Variants in TMEM187 observed in about 807,000 individuals in gnomAD.
TMEM187 encodes chromosome X open reading frame 12.
TMEM187 carries 14 observed loss-of-function variants against 11.8 expected under a neutral mutation model. The observed-to-expected ratio is 1.18, with a 90% CI of 0.78 to 1.85. TMEM187 has a LOEUF of 1.85. Among genes scored for constraint, TMEM187 ranks in the 40% most tolerant of loss-of-function variants. The pLI is 0.00. For missense variants in TMEM187, 227 were observed against 243.9 expected (o/e 0.93, Z 0.46); for synonymous variants, 112 against 118.5 (o/e 0.95, Z 0.36).
chrX:153,977,839 C>T (rs926936763), intron 1 of TMEM187, among the ~76,000 whole-genome samples: 2 of 109,548 alleles, frequency 1.8e-5, no homozygotes, highest in Non-Finnish European at 3.8e-5. Context: ...CTCTTGAAAA[C>T]GGGAGGCAGA....
At chrX:153,975,805 C>T (rs372410015) in intron 1 of TMEM187, among the ~76,000 whole-genome samples, 6 of 104,278 alleles carry the variant, frequency 5.8e-5, no homozygotes, top group Admixed American at 1.0e-4. Flanking sequence ...CCACCACGCC[C>T]GGCTACTTTT....
At chrX:153,974,746 C>T (rs782569720) in intron 1 of TMEM187, among the ~76,000 whole-genome samples, 1 of 111,955 alleles carries the variant, frequency 8.9e-6, no homozygotes, top group African/African-American at 3.2e-5. Flanking sequence ...GAAGCAAGGA[C>T]GTATGGAGTG....
At position 153,976,587 on chromosome X, in the gene TMEM187, T is replaced by G. The variant is rs1021433439; in HGVS notation, c.-214+3727T>G. ...AAAAAATAAAAAACTATTGGCTGGG[T>G]GCAGTAACTCACGCCTGTAATCCCA... is the stretch of plus-strand genomic sequence containing the variant. On this transcript the variant is annotated intron_variant, in intron 1 of 1. Coordinates refer to ENST00000369982, the MANE Select transcript of TMEM187 (RefSeq NM_003492.3). Among the ~76,000 whole-genome samples the G allele has an allele frequency of 7.2e-4, 79 of 109,949 alleles. 1 individual carries two copies. The highest frequency in any genetic ancestry group is 2.3e-3 in the African/African-American group (68 of 30,091).
At chrX:153,981,541 C>T (rs1394761614) in intron 1 of TMEM187, among the ~76,000 whole-genome samples, 1 of 112,121 alleles carries the variant, frequency 8.9e-6, no homozygotes, top group Non-Finnish European at 1.9e-5. Flanking sequence ...GGGCTGGAGA[C>T]GTCCACTTTT....
chrX:153,979,989 G>T (rs985814122), intron 1 of TMEM187, among the ~76,000 whole-genome samples: 1 of 109,301 alleles, frequency 9.1e-6, no homozygotes. Context: ...CACCCGCCTT[G>T]GCCTCCCAAA....
intron 1 of TMEM187, among the ~76,000 whole-genome samples, chrX:153,973,630 C>T (rs1269396567): frequency 9.0e-6 from 1 of 111,302 alleles, no homozygotes; most frequent in Non-Finnish European, 1.9e-5. Context: ...CTGCAGTGAG[C>T]TGAGATCGCG....
intron 1 of TMEM187, among the ~76,000 whole-genome samples, chrX:153,975,629 C>CT (rs58423366): frequency 0.5 from 8,367 of 16,576 alleles, 3,264 homozygotes; most frequent in Non-Finnish European, 0.72. Context: ...CACACCCAGC[C>CT]TTTTTTTTTT....
At chrX:153,974,604 A>G (rs192917014) in intron 1 of TMEM187, among the ~76,000 whole-genome samples, 3 of 112,785 alleles carry the variant, frequency 2.7e-5, no homozygotes, top group African/African-American at 9.7e-5. Context: ...CAGGGCAGAC[A>G]TGATCCCATC....
In TMEM187 at chrX:153,981,856, G is replaced by A. The variant is rs1484251861; in HGVS notation, c.-207G>A. On this transcript the variant is annotated 5_prime_UTR_variant, in exon 2 of 2. Coordinates refer to ENST00000369982, the MANE Select transcript of TMEM187 (RefSeq NM_003492.3). ...TCCTTTTGTAACCACAAAGGAAAAA[G>A]GCAGAACGTTCCTCCGCTGGCGCCA... 4.2e-5 allele frequency: 27 copies of A among 635,955 alleles called. No homozygotes were observed. In the East Asian group the frequency reaches 8.9e-4, roughly 21 times the overall value. 52.4% of individuals were successfully genotyped at this position (635,955 alleles called of 1,213,427 possible).
chrX:153,979,893 C>T (rs1557122073), intron 1 of TMEM187, among the ~76,000 whole-genome samples: 4 of 107,084 alleles, frequency 3.7e-5, no homozygotes, highest in African/African-American at 6.8e-5. Context: ...CCCACCACCA[C>T]GCCTGGCTAT....
intron 1 of TMEM187, among the ~76,000 whole-genome samples, chrX:153,978,253 G>A (rs1557121742): frequency 9.7e-6 from 1 of 102,569 alleles, no homozygotes; most frequent in African/African-American, 3.7e-5. Flanking sequence ...ATAGTGCTAA[G>A]TGGTCTGCAT....
At chrX:153,979,032 C>T (rs1323987139) in intron 1 of TMEM187, among the ~76,000 whole-genome samples, 1 of 112,042 alleles carries the variant, frequency 8.9e-6, no homozygotes, top group Non-Finnish European at 1.9e-5. Flanking sequence ...AAGTGATCCA[C>T]CCGCCTCTGC....
chrX:153,982,586 TG>T lies in TMEM187; in HGVS notation c.528del (p.Gln177ArgfsTer18). ...CTGGGTGCTCACGTGGTGGCCGCTG[TG>T]GGGCAGGCGCTGCGCACCCACAGGC... is the stretch of plus-strand genomic sequence containing the variant. ...VALGAHVVAA[V>X]GQALRTHRHY... On this transcript the variant is annotated frameshift_variant, in exon 2 of 2. Coordinates refer to ENST00000369982, the MANE Select transcript of TMEM187 (RefSeq NM_003492.3). LOFTEE classifies it high-confidence loss of function. 1 of 1,211,154 alleles carries T rather than the reference TG, an allele frequency of 8.3e-7. No individual in the cohort carries two copies.
intron 1 of TMEM187, among the ~76,000 whole-genome samples, chrX:153,976,723 C>A (rs1355493293): frequency 1.8e-5 from 2 of 111,186 alleles, no homozygotes; most frequent in African/African-American, 3.3e-5. Flanking sequence ...ATTTGCCAGG[C>A]ATGGTAACAT....
intron 1 of TMEM187, among the ~76,000 whole-genome samples, chrX:153,976,846 C>T (rs1603300528): frequency 8.9e-6 from 1 of 112,551 alleles, no homozygotes; most frequent in African/African-American, 3.2e-5. Context: ...GGAGACAGAA[C>T]GAGACCCTGT....
chrX:153,979,781 G>A (rs2065592205), intron 1 of TMEM187, among the ~76,000 whole-genome samples: 1 of 98,721 alleles, frequency 1.0e-5, no homozygotes, highest in Non-Finnish European at 2.0e-5. Flanking sequence ...CTGTCGCCCA[G>A]GTTGGAGTGC....
chrX:153,978,402 G>A (rs1173782824), intron 1 of TMEM187, among the ~76,000 whole-genome samples: 1 of 102,311 alleles, frequency 9.8e-6, no homozygotes, highest in Non-Finnish European at 2.0e-5. Flanking sequence ...CCAAGTAGCT[G>A]GAACTACAGG....
chrX:153,978,507 A>T (rs2065585572), intron 1 of TMEM187, among the ~76,000 whole-genome samples: 1 of 103,440 alleles, frequency 9.7e-6, no homozygotes, highest in South Asian at 4.5e-4. Context: ...ACCTCAACTG[A>T]TCCACCCACC....
rs143456366 is a variant in TMEM187, at chrX:153,982,092, G to A, written c.30G>A (p.Val10=). Residue 10 remains valine, a synonymous_variant, in exon 2 of 2, where the codon GTG becomes GTA. Transcript: ENST00000369982. MNPEWGQAF[V]HVAVAGGLCA... is the part of the protein sequence containing the mutation. ...ATCCAGAGTGGGGGCAGGCCTTCGTGCACGTGGCCGTGGCCGGTGGCCTCT... is the reference window on the plus strand; with the variant it reads ...ATCCAGAGTGGGGGCAGGCCTTCGTACACGTGGCCGTGGCCGGTGGCCTCT... 3.5e-5 allele frequency: 42 copies of A among 1,211,764 alleles called. No homozygotes were observed. The highest frequency in any genetic ancestry group is 4.6e-5 in the Non-Finnish European group (41 of 895,583).
Sources: gnomAD v4.1 joint callset for allele counts (sites outside exome capture counted in the v4.1 genomes callset) on GRCh38, gnomAD v4.1.1 for gene constraint, MANE v1.5 for transcripts, NCBI Gene and HGNC (gene_info 2026-07-23, HGNC 2026-07-21) for gene names.